NTRK1: variants seen among roughly 807,000 people sequenced by gnomAD.
The protein encoded by NTRK1 is neurotrophic receptor tyrosine kinase 1.
In NTRK1, 62 loss-of-function variants were observed where a neutral mutation model predicts 86.8. The ratio of observed to expected loss-of-function variants is 0.71; its 90% CI spans 0.58 to 0.88. The LOEUF is 0.88. Among genes scored for constraint, NTRK1 ranks in the 40% least tolerant of loss-of-function variants. The probability of loss-of-function intolerance (pLI) is 0.00; values close to 1 mark genes in which losing one functional copy is unlikely to be tolerated. For synonymous variants in NTRK1, 469 were observed against 456.6 expected, an observed-to-expected ratio of 1.03 and a Z score of -0.35; for missense variants, 967 against 1,078.4, an observed-to-expected ratio of 0.90 and a Z score of 1.45.
At chr1:156,821,453 CTGTGTG>C (rs59579534) in intron 1 of NTRK1, among the ~76,000 whole-genome samples, 23,504 of 137,864 alleles carry the variant, frequency 0.17, 1,970 homozygotes, top group Non-Finnish European at 0.22. Flanking sequence ...CTAATTTAGC[CTGTGTG>C]TGTGTGTGTG....
At chr1:156,842,504 C>G in intron 2 of NTRK1, 2 of 1,612,694 alleles carry the variant, frequency 1.2e-6, no homozygotes, top group Middle Eastern at 3.3e-4. Context: ...ACCCAGGAGA[C>G]GCACCTGGGA....
At chr1:156,872,079 G>A (rs545914311) in intron 7 of NTRK1, among the ~76,000 whole-genome samples, 22 of 152,086 alleles carry the variant, frequency 1.4e-4, no homozygotes, top group Non-Finnish European at 2.6e-4. Flanking sequence ...CCTTCTCCCC[G>A]CATCCTAGTT....
chr1:156,865,665 G>A (rs1406612567), intron 3 of NTRK1, among the ~76,000 whole-genome samples: 1 of 152,184 alleles, frequency 6.6e-6, no homozygotes, highest in East Asian at 1.9e-4. Context: ...TTACCCATCT[G>A]TGGCCTGGGA....
In NTRK1 at chr1:156,874,967, T is replaced by A. The variant is rs191958638; in HGVS notation, c.1313T>A (p.Val438Glu). The change falls in exon 11 of 17, where the codon GTG becomes GAG. Residue 438 changes from valine to glutamate, a missense_variant. Val to Glu is a moderately radical substitution (Grantham distance 121). Coordinates refer to ENST00000524377, the MANE Select transcript of NTRK1 (RefSeq NM_002529.4). Reference sequence around the variant, plus strand: ...CTCTTCCTTTCTACGCTGCTCCTTGTGCTCAACAAATGTGGACGGAGAAAC... The same window carrying A: ...CTCTTCCTTTCTACGCTGCTCCTTGAGCTCAACAAATGTGGACGGAGAAAC... ...ACLFLSTLLL[V>E]LNKCGRRNKF... 8.1e-6 allele frequency: 13 copies of A among 1,613,994 alleles called. No homozygotes were observed. The East Asian group carries it at 2.9e-4, about 36-fold the overall frequency.
chr1:156,817,047 T>TTCTCTCTCTATCTCTCTCTCTC (rs1553256344), intron 1 of NTRK1, among the ~76,000 whole-genome samples: 1 of 113,782 alleles, frequency 8.8e-6, no homozygotes, highest in African/African-American at 3.2e-5. Flanking sequence ...GAACTTCCCT[T>TTCTCTCTCTATCTCTCTCTCTC]TCTCTCTCTC....
rs143605369 is a variant in NTRK1, at chr1:156,851,967, C to T, written c.50+9774C>T. ...TGTATGCCGAAGGTGGAGGCACGGC[C>T]GGGCACAGAGTGCAGGCTGGCACAG... is the stretch of plus-strand genomic sequence containing the variant. On this transcript the variant is annotated intron_variant, in intron 2 of 16. Coordinates refer to the NTRK1 transcript ENST00000392302. The T allele has an allele frequency of 5.7e-5, 91 of 1,608,526 alleles. 1 individual carries two copies. Among genetic ancestry groups the T allele is most frequent in the South Asian group, 9.9e-5 (9 of 90,940 alleles).
upstream of NTRK1, among the ~76,000 whole-genome samples, chr1:156,857,463 C>G (rs1395847367): frequency 1.3e-5 from 2 of 152,308 alleles, no homozygotes; most frequent in East Asian, 3.9e-4. Context: ...CAGAGCTGCA[C>G]TGGGAACAGA....
Position 156,874,688 on chromosome 1 carries a change from C to T in NTRK1, c.1251+62C>T, listed in dbSNP as rs1227694429. 4.0e-6 allele frequency: 6 copies of T among 1,516,886 alleles called. No individual in the cohort carries two copies. In the East Asian group the frequency reaches 1.2e-4, roughly 30 times the overall value. The allele number at this position is 1,516,886 out of a possible 1,614,324, so 94.0% of individuals were successfully genotyped here. On this transcript the variant is annotated intron_variant, in intron 10 of 16. Coordinates refer to ENST00000524377, the MANE Select transcript of NTRK1 (RefSeq NM_002529.4). ...ACCGGGAGGCTGGGTAGAGGCTCAT[C>T]TGCATGTCATTTCTGGTCAGAGCAG...
chr1:156,822,520 C>T (rs187289574), intron 1 of NTRK1, among the ~76,000 whole-genome samples: 1 of 151,258 alleles, frequency 6.6e-6, no homozygotes, highest in Admixed American at 6.6e-5. Flanking sequence ...TGTGATCCCA[C>T]CACTGCACTC....
intron 1 of NTRK1, among the ~76,000 whole-genome samples, chr1:156,834,518 G>C (rs1205911359): frequency 6.6e-6 from 1 of 152,160 alleles, no homozygotes; most frequent in African/African-American, 2.4e-5. Flanking sequence ...AGAGTGGGGT[G>C]GTGGATGTGG....
In NTRK1 at chr1:156,827,563, AT is replaced by A. The variant is rs758418339; in HGVS notation, c.-64+11730del. On this transcript the variant is annotated intron_variant, in intron 1 of 16. Transcript: ENST00000392302. ...ACGTGTGAACCACTGCACCTGGCCT[AT>A]TTTTAAATTTTTTTGTAGAGATGAG... is the stretch of plus-strand genomic sequence containing the variant. Among the ~76,000 whole-genome samples, 172 of 152,084 alleles carry A rather than the reference AT, an allele frequency of 1.1e-3. 2 individuals carry two copies. The highest frequency in any genetic ancestry group is 2.1e-3 in the Non-Finnish European group (144 of 68,008).
At chr1:156,851,257 A>T (rs1655193705) in intron 2 of NTRK1, 3 of 1,613,178 alleles carry the variant, frequency 1.9e-6, no homozygotes, top group Non-Finnish European at 2.5e-6. Context: ...AAGGAGTGTA[A>T]TAGAAGGAGC....
chr1:156,816,858 T>A (rs1473140651), intron 1 of NTRK1: 2 of 636,162 alleles, frequency 3.1e-6, no homozygotes, highest in African/African-American at 1.9e-5. Flanking sequence ...TGGCGAGGAC[T>A]CACGTCATGG....
intron 1 of NTRK1, chr1:156,841,237 A>AT: frequency 1.1e-6 from 1 of 894,242 alleles, no homozygotes. Flanking sequence ...AAGGGATTAA[A>AT]TGGGAGTCTT....
intron 1 of NTRK1, among the ~76,000 whole-genome samples, chr1:156,830,847 G>T (rs936215434): frequency 6.6e-6 from 1 of 152,152 alleles, no homozygotes; most frequent in African/African-American, 2.4e-5. Flanking sequence ...GGGCCACCAC[G>T]CCCAGCAAGG....
At chr1:156,872,638 A>G (rs1007205140) in intron 7 of NTRK1, among the ~76,000 whole-genome samples, 8 of 149,426 alleles carry the variant, frequency 5.4e-5, no homozygotes, top group African/African-American at 2.0e-4. Context: ...CTTTTTTTCT[A>G]TCATTGAGGG....
At chr1:156,866,868 G>A in intron 3 of NTRK1, 42 bp from the exon 4 acceptor site, 1 of 1,602,602 alleles carries the variant, frequency 6.2e-7, no homozygotes, top group Non-Finnish European at 8.6e-7. Flanking sequence ...GTGAGGTCGG[G>A]TCACTCAAGG....
intron 1 of NTRK1, chr1:156,841,723 G>A (rs201172210): frequency 1.5e-4 from 243 of 1,613,988 alleles, no homozygotes; most frequent in South Asian, 2.1e-4. Flanking sequence ...GCCATCCAGC[G>A]CACGGGCAGC....
chr1:156,837,569 C>T (rs957569461), intron 1 of NTRK1, among the ~76,000 whole-genome samples: 4 of 152,168 alleles, frequency 2.6e-5, no homozygotes, highest in African/African-American at 4.8e-5. Context: ...CTTTGTCAAT[C>T]GACCTCACAG....
Sources: gnomAD v4.1 joint callset for allele counts (sites outside exome capture counted in the v4.1 genomes callset) on GRCh38, gnomAD v4.1.1 for gene constraint, MANE v1.5 for transcripts, NCBI Gene and HGNC (gene_info 2026-07-23, HGNC 2026-07-21) for gene names.